MAGI2: variants seen among roughly 807,000 people sequenced by gnomAD.
MAGI2 encodes membrane-associated guanylate kinase, WW and PDZ domain-containing protein 2.
In MAGI2, 35 loss-of-function variants were observed where a neutral mutation model predicts 133.3. That is an observed-to-expected ratio of 0.26 (90% confidence interval 0.20 to 0.35). The LOEUF (loss-of-function observed/expected upper bound fraction) is 0.35, where lower values mean the gene tolerates loss of function less well. Ranked by LOEUF, MAGI2 falls within the 10% of genes least tolerant of loss-of-function variation. The pLI is 1.00. For synonymous variants in MAGI2, 729 were observed against 710.6 expected (o/e 1.03, Z -0.41); for missense variants, 1,636 against 1,863.4 (o/e 0.88, Z 2.25).
intron 1 of MAGI2, among the ~76,000 whole-genome samples, chr7:79,152,007 G>A (rs960129553): frequency 1.3e-5 from 2 of 152,070 alleles, no homozygotes; most frequent in African/African-American, 4.8e-5. Context: ...AATCAAAAAG[G>A]GATAAATTAA....
rs145127860 is a variant in MAGI2 at position 78,526,719 on chromosome 7, A to G, written c.539-5074T>C. ...GATGAATGTACTCTGTTATACAAAT[A>G]GAAAAGTTGGCCGGGTGCCGTGGCT... On this transcript the variant is annotated intron_variant, in intron 3 of 21. Transcript: ENST00000354212. Among the ~76,000 whole-genome samples, 308 of 152,330 alleles carry G rather than the reference A, an allele frequency of 2.0e-3. 7 individuals are homozygous for G. The East Asian group carries it at 0.031, about 15-fold the overall frequency.
At chr7:79,313,617 G>A (rs1336840180) in intron 1 of MAGI2, among the ~76,000 whole-genome samples, 1 of 152,012 alleles carries the variant, frequency 6.6e-6, no homozygotes, top group Non-Finnish European at 1.5e-5. Context: ...CAAAAACCAG[G>A]ATAAAGATAA....
Position 78,493,978 on chromosome 7 carries a change from C to CT in MAGI2, c.966-4139dup, listed in dbSNP as rs373155228. Reference sequence around the variant, plus strand: ...AATCACTTTCTTTTTCTTTCCTATTCTTTTTTTTTTCTTTTCTAGACAGGA... The same window carrying CT: ...AATCACTTTCTTTTTCTTTCCTATTCTTTTTTTTTTTCTTTTCTAGACAGGA... On this transcript the variant is annotated intron_variant, in intron 5 of 21. Coordinates refer to ENST00000354212, the MANE Select transcript of MAGI2 (RefSeq NM_012301.4). Among the ~76,000 whole-genome samples the CT allele has an allele frequency of 6.2e-4, 94 of 150,408 alleles. 1 individual carries two copies. The South Asian group carries it at 0.011, about 18-fold the overall frequency.
chr7:78,346,554 A>C (rs947041712), intron 7 of MAGI2, among the ~76,000 whole-genome samples: 6 of 152,202 alleles, frequency 3.9e-5, no homozygotes, highest in African/African-American at 1.2e-4. Flanking sequence ...GAGTTTGCAG[A>C]AGTTACAGAA....
chr7:79,228,366 A>AAAAAAAAAAAAAAAAAAAAAAAAAAAC (rs1227417021), intron 1 of MAGI2, among the ~76,000 whole-genome samples: 1 of 147,796 alleles, frequency 6.8e-6, no homozygotes, highest in Non-Finnish European at 1.5e-5. Flanking sequence ...AAAAAAAAAA[A>AAAAAAAAAAAAAAAAAAAAAAAAAAAC]AAAAGATCGT....
intron 1 of MAGI2, among the ~76,000 whole-genome samples, chr7:79,303,621 T>C (rs1040595241): frequency 1.3e-5 from 2 of 152,190 alleles, no homozygotes; most frequent in African/African-American, 4.8e-5. Context: ...TTTGTTTGAA[T>C]TGGTTTGTTG....
chr7:78,028,537 A>G (rs1370870553), intron 21 of MAGI2, among the ~76,000 whole-genome samples: 1 of 152,102 alleles, frequency 6.6e-6, no homozygotes, highest in East Asian at 1.9e-4. Flanking sequence ...TTATCTTTTA[A>G]TCCTCCTAAC....
At chr7:78,028,264 A>G (rs981381825) in intron 21 of MAGI2, among the ~76,000 whole-genome samples, 4 of 152,246 alleles carry the variant, frequency 2.6e-5, no homozygotes, top group Admixed American at 2.6e-4. Context: ...TGTTTCACTT[A>G]TATTACCAGA....
intron 6 of MAGI2, among the ~76,000 whole-genome samples, chr7:78,376,071 A>G (rs1449038363): frequency 4.6e-5 from 7 of 152,072 alleles, no homozygotes; most frequent in African/African-American, 1.7e-4. Flanking sequence ...CTAAATCCAT[A>G]CATTAATGAA....
chr7:78,950,194 A>G (rs72612605), intron 2 of MAGI2, among the ~76,000 whole-genome samples: 6,677 of 151,954 alleles, frequency 0.044, 350 homozygotes, highest in East Asian at 0.17. Context: ...TTGGTGATTC[A>G]CCTAATACAT....
chr7:78,143,964 C>A (rs1442170985), intron 16 of MAGI2, among the ~76,000 whole-genome samples: 1 of 140,612 alleles, frequency 7.1e-6, no homozygotes, highest in East Asian at 2.0e-4. Context: ...TTGTTTCTGT[C>A]TTTAAATTAG....
intron 1 of MAGI2, among the ~76,000 whole-genome samples, chr7:79,425,543 G>A (rs1356674481): frequency 6.7e-6 from 1 of 149,396 alleles, no homozygotes; most frequent in Non-Finnish European, 1.5e-5. Flanking sequence ...TTATATATTA[G>A]TTTAGTCAGA....
chr7:78,535,233 C>A lies in MAGI2; in HGVS notation c.539-13588G>T, dbSNP rs139231590. Among the ~76,000 whole-genome samples the A allele has an allele frequency of 3.7e-3, 567 of 152,122 alleles. 2 individuals are homozygous for A. The highest frequency in any genetic ancestry group is 0.017 in the Middle Eastern group (5 of 294). ...GGCAGAGGAAACAAATTTACAAAAG[C>A]CTTGAATCTGGAGAAATAATAGTAA... is the stretch of plus-strand genomic sequence containing the variant. On this transcript the variant is annotated intron_variant, in intron 3 of 21. Coordinates refer to ENST00000354212, the MANE Select transcript of MAGI2 (RefSeq NM_012301.4).
At chr7:78,615,709 C>T (rs1167124897) in intron 3 of MAGI2, 1 of 152,138 alleles carries the variant, frequency 6.6e-6, no homozygotes, top group Non-Finnish European at 1.5e-5. Context: ...CAAATATGTT[C>T]CTTTTATCTA....
At chr7:78,338,095 G>C (rs1789962115) in intron 9 of MAGI2, among the ~76,000 whole-genome samples, 1 of 152,132 alleles carries the variant, frequency 6.6e-6, no homozygotes, top group African/African-American at 2.4e-5. Context: ...GTGTATTTGT[G>C]ATATTTTGGT....
chr7:78,687,012 C>A lies in MAGI2; in HGVS notation c.419-59773G>T, dbSNP rs537354771. ...CTGGGCTAAATCACTGGTTTCCAAA[C>A]GTTGTTACTCAGTCCAGCGCATTGC... On this transcript the variant is annotated intron_variant, in intron 2 of 21. Coordinates refer to ENST00000354212, the MANE Select transcript of MAGI2 (RefSeq NM_012301.4). 7.2e-5 allele frequency among the ~76,000 whole-genome samples: 11 copies of A among 152,242 alleles called. No individual in the cohort carries two copies. The South Asian group carries it at 2.3e-3, about 32-fold the overall frequency.
At chr7:79,374,126 A>T (rs1843226582) in intron 1 of MAGI2, among the ~76,000 whole-genome samples, 1 of 152,042 alleles carries the variant, frequency 6.6e-6, no homozygotes, top group Non-Finnish European at 1.5e-5. Context: ...AGTTACATAA[A>T]TACATTGGGA....
intron 9 of MAGI2, among the ~76,000 whole-genome samples, chr7:78,334,988 C>T (rs906165031): frequency 3.9e-5 from 6 of 152,136 alleles, no homozygotes; most frequent in African/African-American, 9.7e-5. Flanking sequence ...CCTGCTGCCA[C>T]CTGTATTTGT....
intron 6 of MAGI2, among the ~76,000 whole-genome samples, chr7:78,379,950 G>A (rs1794770366): frequency 6.6e-6 from 1 of 151,606 alleles, no homozygotes; most frequent in Non-Finnish European, 1.5e-5. Context: ...GTCCAAAGAG[G>A]AAATGTTAAC....
Sources: allele counts gnomAD v4.1 joint callset (sites outside exome capture counted in the v4.1 genomes callset), GRCh38; gene constraint gnomAD v4.1.1; transcripts MANE v1.5; gene names NCBI Gene and HGNC (gene_info 2026-07-23, HGNC 2026-07-21).